ZDHHC14: variants seen among roughly 807,000 people sequenced by gnomAD.
ZDHHC14 encodes zDHHC palmitoyltransferase 14.
Under a neutral mutation model 47.7 loss-of-function variants are expected in ZDHHC14, and 16 were observed. The ratio of observed to expected loss-of-function variants is 0.34; its 90% CI spans 0.23 to 0.51. The LOEUF (loss-of-function observed/expected upper bound fraction) is 0.51. Ranked by LOEUF, ZDHHC14 falls within the 20% of genes least tolerant of loss-of-function variation. The pLI is 0.97. For missense variants in ZDHHC14, 515 were observed against 662.5 expected (o/e 0.78, Z 2.44); for synonymous variants, 293 against 278.9 (o/e 1.05, Z -0.50).
intron 1 of ZDHHC14, among the ~76,000 whole-genome samples, chr6:157,533,328 A>C (rs531187419): frequency 6.6e-6 from 1 of 152,228 alleles, no homozygotes; most frequent in Admixed American, 6.5e-5. Flanking sequence ...AAGTGGGGAT[A>C]AGTGCTATGG....
rs1024599924 is a variant in ZDHHC14 at position 157,647,432 on chromosome 6, G to A, written c.965+64G>A. The A allele has an allele frequency of 4.0e-5, 53 of 1,327,468 alleles. 1 individual carries two copies. The South Asian group carries it at 6.7e-4, about 17-fold the overall frequency. 82.2% of individuals were successfully genotyped at this position (1,327,468 alleles called of 1,614,324 possible). ...GGAAAACCGAATGCCTCGGCCGTTA[G>A]CACAGGCCGCCCGCCCTGGTGGAAT... is the stretch of plus-strand genomic sequence containing the variant. On this transcript the variant is annotated intron_variant, in intron 7 of 8. Transcript: ENST00000359775.
chr6:157,576,086 T>C (rs1177893312), intron 2 of ZDHHC14, among the ~76,000 whole-genome samples: 1 of 152,182 alleles, frequency 6.6e-6, no homozygotes, highest in African/African-American at 2.4e-5. Context: ...GCTGCCTGCA[T>C]GTGGCTTGGG....
chr6:157,492,258 A>G (rs1779944829), intron 1 of ZDHHC14, among the ~76,000 whole-genome samples: 1 of 143,124 alleles, frequency 7.0e-6, no homozygotes. Context: ...CGTCCTGCCA[A>G]GAACCCCACT....
chr6:157,478,883 CA>C, intron 1 of ZDHHC14, among the ~76,000 whole-genome samples: 1 of 152,196 alleles, frequency 6.6e-6, no homozygotes, highest in East Asian at 1.9e-4. Flanking sequence ...TGAAGTGAAA[CA>C]GTGAAGAGAG....
intron 1 of ZDHHC14, among the ~76,000 whole-genome samples, chr6:157,487,719 CGTT>C (rs1274999402): frequency 2.0e-5 from 3 of 152,112 alleles, no homozygotes; most frequent in African/African-American, 7.2e-5. Flanking sequence ...TCATGATTGT[CGTT>C]GTTATTTTTA....
intron 2 of ZDHHC14, among the ~76,000 whole-genome samples, chr6:157,551,390 G>T (rs1222842100): frequency 1.3e-5 from 2 of 152,204 alleles, no homozygotes; most frequent in Non-Finnish European, 2.9e-5. Context: ...GAGCCAATCA[G>T]TGACAGGCCT....
chr6:157,553,468 G>A (rs1239261039), intron 2 of ZDHHC14, among the ~76,000 whole-genome samples: 2 of 152,090 alleles, frequency 1.3e-5, no homozygotes, highest in Non-Finnish European at 2.9e-5. Context: ...TGTGAAAATA[G>A]GACTTTGCTG....
At chr6:157,452,074 T>C (rs1191464173) in intron 1 of ZDHHC14, among the ~76,000 whole-genome samples, 2 of 152,120 alleles carry the variant, frequency 1.3e-5, no homozygotes, top group Non-Finnish European at 2.9e-5. Flanking sequence ...TTTAGCACAG[T>C]ATTGATAACC....
intron 1 of ZDHHC14, among the ~76,000 whole-genome samples, chr6:157,455,019 C>T (rs1303876512): frequency 6.6e-6 from 1 of 152,208 alleles, no homozygotes; most frequent in East Asian, 1.9e-4. Context: ...TTTTAACACT[C>T]TCATTTATCG....
chr6:157,494,374 C>T (rs1780004607), intron 1 of ZDHHC14, among the ~76,000 whole-genome samples: 2 of 152,198 alleles, frequency 1.3e-5, no homozygotes, highest in African/African-American at 2.4e-5. Context: ...ACCCTCCCTG[C>T]GGGCTCTGCA....
At chr6:157,546,743 A>C (rs565348700) in intron 2 of ZDHHC14, among the ~76,000 whole-genome samples, 35 of 152,184 alleles carry the variant, frequency 2.3e-4, no homozygotes, top group Non-Finnish European at 4.9e-4. Context: ...AAAATGACAA[A>C]AACTGTACTA....
chr6:157,562,751 C>T (rs913692990), intron 2 of ZDHHC14, among the ~76,000 whole-genome samples: 1 of 152,252 alleles, frequency 6.6e-6, no homozygotes, highest in Non-Finnish European at 1.5e-5. Context: ...CTTAAAATAT[C>T]CTCACATATA....
chr6:157,508,183 G>A (rs540378184), intron 1 of ZDHHC14, among the ~76,000 whole-genome samples: 17 of 152,306 alleles, frequency 1.1e-4, no homozygotes, highest in Non-Finnish European at 2.5e-4. Flanking sequence ...TTTCTCAAAT[G>A]ATGATCAATC....
intron 1 of ZDHHC14, among the ~76,000 whole-genome samples, chr6:157,395,099 C>G (rs1226529999): frequency 1.3e-5 from 2 of 150,254 alleles, no homozygotes; most frequent in African/African-American, 4.9e-5. Context: ...AGTTTAGACC[C>G]TCACCAGCCC....
At chr6:157,506,577 A>G (rs563734838) in intron 1 of ZDHHC14, among the ~76,000 whole-genome samples, 42 of 149,310 alleles carry the variant, frequency 2.8e-4, no homozygotes, top group South Asian at 6.2e-4. Flanking sequence ...TATGCAAACA[A>G]TGGTAAACTT....
chr6:157,570,676 A>G (rs548255664), intron 2 of ZDHHC14, among the ~76,000 whole-genome samples: 483 of 152,280 alleles, frequency 3.2e-3, no homozygotes, highest in Middle Eastern at 6.8e-3. Flanking sequence ...CAGTTAAACT[A>G]AAAAGGTCGC....
intron 2 of ZDHHC14, among the ~76,000 whole-genome samples, chr6:157,553,692 C>T (rs1214539906): frequency 5.3e-5 from 8 of 152,148 alleles, no homozygotes; most frequent in African/African-American, 1.7e-4. Context: ...TCTCCCTTCC[C>T]TCTGTGCCCT....
At chr6:157,668,476 G>C (rs954675907) in intron 8 of ZDHHC14, among the ~76,000 whole-genome samples, 1 of 150,054 alleles carries the variant, frequency 6.7e-6, no homozygotes, top group Admixed American at 6.7e-5. Flanking sequence ...TTGAGGTCAG[G>C]AGTTTGAGAC....
chr6:157,628,658 A>G (rs939006392), intron 4 of ZDHHC14, 172 bp downstream of exon 4: 1 of 795,466 alleles, frequency 1.3e-6, no homozygotes, highest in Non-Finnish European at 2.0e-6. Flanking sequence ...ACCCTCCTCC[A>G]TCCCTCCTCC....
Sources: allele counts gnomAD v4.1 joint callset (sites outside exome capture counted in the v4.1 genomes callset), GRCh38; gene constraint gnomAD v4.1.1; transcripts MANE v1.5; gene names NCBI Gene and HGNC (gene_info 2026-07-23, HGNC 2026-07-21).